MDN1: variants seen among roughly 807,000 people sequenced by gnomAD.
MDN1 encodes the protein midasin AAA ATPase 1, also known as midasin.
MDN1 carries 266 observed loss-of-function variants against 669.2 expected under a neutral mutation model. The ratio of observed to expected loss-of-function variants is 0.40; its 90% confidence interval spans 0.36 to 0.44. The LOEUF is 0.44. Among genes scored for constraint, MDN1 ranks in the 20% least tolerant of loss-of-function variants. The pLI is 1.00. For missense variants in MDN1, 5,940 were observed against 6,754.0 expected, an observed-to-expected ratio of 0.88 and a Z score of 4.22; for synonymous variants, 2,385 against 2,457.1, an observed-to-expected ratio of 0.97 and a Z score of 0.87.
chr6:89,663,063 C>T (rs924114150), intron 85 of MDN1, 96 bp from the exon 86 acceptor site: 8 of 1,380,538 alleles, frequency 5.8e-6, no homozygotes, highest in Non-Finnish European at 7.0e-6. Flanking sequence ...GCAAGGGCCC[C>T]ACCTGAGATT....
chr6:89,743,697 A>G lies in MDN1; in HGVS notation c.4196T>C (p.Ile1399Thr). The G allele has an allele frequency of 6.2e-7, 1 of 1,614,124 alleles. No homozygotes were observed. The highest frequency in any genetic ancestry group is 8.5e-7 in the Non-Finnish European group (1 of 1,180,008). ...TGCCAAGGCTGCAAATACCTGACAGATAGTAGTTTTCCCACACCTGTTAGA... is the reference window on the plus strand; with the variant it reads ...TGCCAAGGCTGCAAATACCTGACAGGTAGTAGTTTTCCCACACCTGTTAGA... ...VGDTGCGKTT[I>T]CQVFAALANQ... The change falls in exon 30 of 102, where the codon ATC becomes ACC. Residue 1399 changes from isoleucine to threonine, a missense_variant. Physicochemically the swap from Ile to Thr is moderately conservative, Grantham distance 89. Transcript: ENST00000369393.
rs144469782 is a variant in MDN1, at chr6:89,697,344, T to C, written c.9169-770A>G. Among the ~76,000 whole-genome samples, 36 of 152,108 alleles carry C rather than the reference T, an allele frequency of 2.4e-4. No individual in the cohort carries two copies. The East Asian group carries it at 6.2e-3, about 26-fold the overall frequency. Reference sequence around the variant, plus strand: ...AAATATAGGAGAAAATAATGGAAAATAGTTTTGAACTCGAAGTGATGGAGG... The same window carrying C: ...AAATATAGGAGAAAATAATGGAAAACAGTTTTGAACTCGAAGTGATGGAGG... On this transcript the variant is annotated intron_variant, in intron 59 of 101. Transcript: ENST00000369393.
intron 33 of MDN1, among the ~76,000 whole-genome samples, chr6:89,737,542 C>A (rs1816054076): frequency 6.6e-6 from 1 of 151,788 alleles, no homozygotes; most frequent in Admixed American, 6.6e-5. Context: ...ACAAAAAGAA[C>A]CATATAGTTA....
In MDN1 at chr6:89,743,602, G is replaced by A. The variant is rs748425446; in HGVS notation, c.4291C>T (p.Pro1431Ser). The A allele has an allele frequency of 2.5e-6, 4 of 1,613,972 alleles. No individual in the cohort carries two copies. Among genetic ancestry groups the A allele is most frequent in the Non-Finnish European group, 3.4e-6 (4 of 1,179,944 alleles). Residue 1431 changes from proline to serine, a missense_variant, in exon 30 of 102, where the codon CCA becomes TCA. Transcript: ENST00000369393. ...TTGTCGTTTGGCTTTTGTCTCACTG[G>A]CCGCAGGCCACCCAGGAAGTCTGAT... ...ETSDFLGGLR[P>S]VRQKPNDKEE...
In MDN1 at chr6:89,688,458, A is replaced by C. The variant is rs1812165908; in HGVS notation, c.11259+115T>G. On this transcript the variant is annotated intron_variant, in intron 66 of 101. Transcript: ENST00000369393. ...CATCTCATTGAACTGCAGTTCTTTA[A>C]GCCTTTGTTTATATGTATATATGTG... 5 of 911,568 alleles carry C rather than the reference A, an allele frequency of 5.5e-6. 1 individual carries two copies. The South Asian group carries it at 8.7e-5, about 16-fold the overall frequency. The allele number at this position is 911,568 out of a possible 1,614,324, so 56.5% of individuals were successfully genotyped here.
At chr6:89,696,334 A>G in intron 60 of MDN1, 26 bp downstream of exon 60, 5 of 1,607,278 alleles carry the variant, frequency 3.1e-6, no homozygotes, top group Non-Finnish European at 4.3e-6. Flanking sequence ...GGAACTTTAC[A>G]GTCTGCTTCC....
At chr6:89,658,428 G>A in intron 89 of MDN1, 58 bp from the exon 90 acceptor site, 1 of 1,603,938 alleles carries the variant, frequency 6.2e-7, no homozygotes, top group East Asian at 2.2e-5. Flanking sequence ...CATAAGGTGG[G>A]AGACCTTGCA....
intron 53 of MDN1, among the ~76,000 whole-genome samples, chr6:89,703,224 C>A (rs1813278491): frequency 6.6e-6 from 1 of 152,282 alleles, no homozygotes; most frequent in South Asian, 2.1e-4. Context: ...AGGCATGAGC[C>A]ACTGTGCCTG....
chr6:89,688,440 T>A (rs1812164751), intron 66 of MDN1, 133 bp downstream of exon 66: 1 of 779,858 alleles, frequency 1.3e-6, no homozygotes, highest in Non-Finnish European at 2.1e-6. Flanking sequence ...TAACATCTCA[T>A]TGAACTGCAG....
intron 73 of MDN1, among the ~76,000 whole-genome samples, chr6:89,681,788 C>A (rs546057484): frequency 1.3e-5 from 2 of 152,210 alleles, no homozygotes; most frequent in African/African-American, 4.8e-5. Flanking sequence ...GTAGGAAATA[C>A]AGTAAGAAGA....
intron 19 of MDN1, 133 bp downstream of exon 19, chr6:89,758,122 G>C: frequency 1.5e-6 from 1 of 653,582 alleles, no homozygotes; most frequent in South Asian, 1.9e-5. Context: ...TCTGAGGTGG[G>C]AGGTGGGAGG....
intron 54 of MDN1, 91 bp downstream of exon 54, chr6:89,701,813 A>G (rs1813180771): frequency 6.5e-7 from 1 of 1,528,232 alleles, no homozygotes; most frequent in African/African-American, 1.4e-5. Context: ...ATAAACCAAA[A>G]TAAAGCAAGA....
At chr6:89,803,863 G>A (rs1429143796) in intron 1 of MDN1, among the ~76,000 whole-genome samples, 1 of 147,480 alleles carries the variant, frequency 6.8e-6, no homozygotes, top group Non-Finnish European at 1.5e-5. Context: ...TTACAGGCGT[G>A]AGCCACCGCG....
chr6:89,801,997 C>T lies in MDN1; in HGVS notation c.329+1331G>A, dbSNP rs536287409. The stretch of plus-strand genomic sequence containing the variant: ...AAAAAAGAAAATAATCAACACATAA[C>T]GTGTAATTCTAACTTTCTGAAACTG... On this transcript the variant is annotated intron_variant, in intron 2 of 101. Coordinates refer to ENST00000369393, the MANE Select transcript of MDN1 (RefSeq NM_014611.3). 2.8e-4 allele frequency among the ~76,000 whole-genome samples: 42 copies of T among 151,836 alleles called. No homozygotes were observed. The East Asian group carries it at 6.2e-3, about 22-fold the overall frequency.
intron 71 of MDN1, 49 bp from the exon 72 acceptor site, chr6:89,683,953 T>C: frequency 7.4e-7 from 1 of 1,350,122 alleles, no homozygotes; most frequent in Non-Finnish European, 1.1e-6. Context: ...GCTAGTGTCA[T>C]TCTGTTTCTT....
At chr6:89,694,463 T>A (rs1035117586) in intron 61 of MDN1, among the ~76,000 whole-genome samples, 1 of 152,252 alleles carries the variant, frequency 6.6e-6, no homozygotes, top group African/African-American at 2.4e-5. Context: ...AAATATGTAC[T>A]AACATACCAT....
At chr6:89,680,476 T>A in intron 74 of MDN1, 113 bp downstream of exon 74, 2 of 1,268,512 alleles carry the variant, frequency 1.6e-6, no homozygotes, top group Non-Finnish European at 2.1e-6. Context: ...TTCAATCAAC[T>A]GTTCAACACT....
chr6:89,777,350 C>T (rs572686883), intron 11 of MDN1, among the ~76,000 whole-genome samples: 106 of 152,216 alleles, frequency 7.0e-4, no homozygotes, highest in Non-Finnish European at 1.3e-3. Context: ...AGCAATCTAA[C>T]ATGGCTGACT....
chr6:89,651,830 C>T (rs919147044), intron 95 of MDN1, among the ~76,000 whole-genome samples: 1 of 152,200 alleles, frequency 6.6e-6, no homozygotes, highest in Non-Finnish European at 1.5e-5. Flanking sequence ...GGTTAATCCA[C>T]ACTACCACGT....
Sources: allele counts gnomAD v4.1 joint callset (sites outside exome capture counted in the v4.1 genomes callset), GRCh38; gene constraint gnomAD v4.1.1; transcripts MANE v1.5; gene names NCBI Gene and HGNC (gene_info 2026-07-23, HGNC 2026-07-21).